NOTCH1: variants seen among roughly 807,000 people sequenced by gnomAD.
The protein encoded by NOTCH1 is neurogenic locus notch homolog protein 1.
NOTCH1 carries 37 observed loss-of-function variants against 254.8 expected under a neutral mutation model. The ratio of observed to expected loss-of-function variants is 0.15; its 90% CI spans 0.11 to 0.19. NOTCH1 has a LOEUF of 0.19. NOTCH1 is among the 10% of genes least tolerant of loss of function. The pLI is 1.00. For missense variants in NOTCH1, 2,972 were observed against 3,708.6 expected (o/e 0.80, Z 5.16); for synonymous variants, 1,731 against 1,618.1 (o/e 1.07, Z -1.68).
rs541348308 is a variant in NOTCH1, at chr9:136,531,980, C to T, written c.141-8001G>A. On this transcript the variant is annotated intron_variant, in intron 2 of 33. Transcript: ENST00000651671. ...CGCTCGCCTGCCGGCCCAGTCCCAG[C>T]GCCCAGCCCGGCTCACATACTGGCC... 5.3e-5 allele frequency among the ~76,000 whole-genome samples: 8 copies of T among 152,376 alleles called. No individual in the cohort carries two copies. In the East Asian group the frequency reaches 7.7e-4, roughly 15 times the overall value.
chr9:136,524,031 C>T (rs2133380073), intron 2 of NOTCH1, 52 bp from the exon 3 acceptor site: 1 of 1,533,510 alleles, frequency 6.5e-7, no homozygotes, highest in South Asian at 1.2e-5. Context: ...CCCCAGCGCC[C>T]CCGCCACTCA....
At chr9:136,502,196 C>A in intron 28 of NOTCH1, 76 bp downstream of exon 28, 2 of 1,382,850 alleles carry the variant, frequency 1.4e-6, no homozygotes, top group Non-Finnish European at 2.0e-6. Flanking sequence ...TCGGGAGGGG[C>A]AGACTCCCGG....
At position 136,509,878 on chromosome 9, in the gene NOTCH1, A is replaced by G; in HGVS notation, c.2824T>C (p.Cys942Arg). The change falls in exon 18 of 34, where the codon TGT becomes CGT. Residue 942 changes from cysteine (C) to arginine (R), a missense_variant. Around this residue, in one of 8 missense-constraint regions of NOTCH1, gnomAD observed 1,343 missense variants for 1,557.0 expected, o/e 0.86. Transcript: ENST00000651671. ...DCLPGFRGTF[C>R]EEDINECASD... Reference sequence around the variant, plus strand: ...GCACACTCGTTGATGTCCTCCTCACAGAAAGTGCCCCGGAAGCCGGGCAGG... The same window carrying G: ...GCACACTCGTTGATGTCCTCCTCACGGAAAGTGCCCCGGAAGCCGGGCAGG... The G allele has an allele frequency of 2.5e-6, 4 of 1,613,186 alleles. No individual in the cohort carries two copies. The highest frequency in any genetic ancestry group is 1.3e-5 in the African/African-American group (1 of 75,058).
At chr9:136,522,596 G>C (rs1265912993) in intron 4 of NOTCH1, 1 of 511,558 alleles carries the variant, frequency 2.0e-6, no homozygotes, top group Non-Finnish European at 3.4e-6. Context: ...CCTACAGCTC[G>C]AATGTGAGTT....
At chr9:136,534,638 C>T (rs747188054) in intron 2 of NOTCH1, among the ~76,000 whole-genome samples, 4 of 152,058 alleles carry the variant, frequency 2.6e-5, no homozygotes, top group Non-Finnish European at 5.9e-5. Context: ...TGGCGGCAGG[C>T]GCTGTGGGGG....
At chr9:136,528,484 G>C (rs1344586906) in intron 2 of NOTCH1, among the ~76,000 whole-genome samples, 1 of 129,266 alleles carries the variant, frequency 7.7e-6, no homozygotes, top group Non-Finnish European at 1.7e-5. Context: ...AGCAGGGACA[G>C]TGCGGGGAAT....
At position 136,506,995 on chromosome 9, in the gene NOTCH1, G is replaced by A. The variant is rs1422107858; in HGVS notation, c.3644-22C>T. The A allele has an allele frequency of 6.4e-6, 10 of 1,562,456 alleles. No homozygotes were observed. The highest frequency in any genetic ancestry group is 7.8e-6 in the Non-Finnish European group (9 of 1,155,272). On this transcript the variant is annotated intron_variant, in intron 22 of 33. Transcript: ENST00000651671. The surrounding 1 kb of genome is among the most constrained non-coding windows in gnomAD (Gnocchi z 4.5). ...ACACCTGCGGGGCCAGGTTTCGTCA[G>A]TGGCCCAAGCCCGCCACACCCCGGC...
chr9:136,515,838 T>C, intron 10 of NOTCH1, 122 bp from the exon 11 acceptor site: 2 of 1,121,994 alleles, frequency 1.8e-6, no homozygotes, highest in South Asian at 2.7e-5. Flanking sequence ...CATTCCCACC[T>C]ACTCAGGATT....
In NOTCH1 at chr9:136,510,714, G is replaced by A. The variant is rs373306460; in HGVS notation, c.2679C>T (p.Cys893=). 20 of 1,609,346 alleles carry A rather than the reference G, an allele frequency of 1.2e-5. No homozygotes were observed. The highest frequency in any genetic ancestry group is 1.5e-5 in the Non-Finnish European group (18 of 1,179,572). The change falls in exon 17 of 34, where the codon TGC becomes TGT. Residue 893 remains cysteine (C), a synonymous_variant. Coordinates refer to ENST00000651671, the MANE Select transcript of NOTCH1 (RefSeq NM_017617.5). Reference sequence around the variant, plus strand: ...GCCCACTGTAGCCGGCCTGGCAGTGGCAGCGGTAGCCGCCGTGGGTGTTCT... The same window carrying A: ...GCCCACTGTAGCCGGCCTGGCAGTGACAGCGGTAGCCGCCGTGGGTGTTCT... ...SCQNTHGGYR[C]HCQAGYSGRN...
chr9:136,541,440 AG>A, intron 2 of NOTCH1, among the ~76,000 whole-genome samples: 1 of 152,194 alleles, frequency 6.6e-6, no homozygotes, highest in Non-Finnish European at 1.5e-5. Flanking sequence ...CAAAAGCCAA[AG>A]CTCTTTCCGG....
In NOTCH1 at chr9:136,513,248, G is replaced by C; in HGVS notation, c.2354-114C>G. Reference sequence around the variant, plus strand: ...ACCCCAGGCCCCTCCTCATCTCCAAGAGCCAGAGGCCTGGAGCTAAGGCTT... The same window carrying C: ...ACCCCAGGCCCCTCCTCATCTCCAACAGCCAGAGGCCTGGAGCTAAGGCTT... On this transcript the variant is annotated intron_variant, in intron 14 of 33. Coordinates refer to ENST00000651671, the MANE Select transcript of NOTCH1 (RefSeq NM_017617.5). This position sits in a 1 kb window ranked among gnomAD's most constrained non-coding sequence, Gnocchi z 4.7. 1 of 1,469,996 alleles carries C rather than the reference G, an allele frequency of 6.8e-7. No homozygotes were observed. The highest frequency in any genetic ancestry group is 9.5e-7 in the Non-Finnish European group (1 of 1,057,950). The allele number at this position is 1,469,996 out of a possible 1,614,324, so 91.1% of individuals were successfully genotyped here. A position where few individuals can be genotyped will look rare whatever the true frequency, so the allele number is the denominator to read the frequency against.
intron 8 of NOTCH1, 119 bp from the exon 9 acceptor site, chr9:136,517,504 G>A: frequency 1.2e-6 from 1 of 841,156 alleles, no homozygotes; most frequent in Non-Finnish European, 1.9e-6. Context: ...GCCACCACGG[G>A]CCCCCTGCGC....
chr9:136,531,758 C>T (rs1238512835), intron 2 of NOTCH1, among the ~76,000 whole-genome samples: 2 of 152,358 alleles, frequency 1.3e-5, no homozygotes, highest in South Asian at 4.1e-4. Flanking sequence ...ACGCCGCCCT[C>T]CTGCGCCTCC....
chr9:136,525,079 C>T (rs1843438660), intron 2 of NOTCH1, among the ~76,000 whole-genome samples: 1 of 152,192 alleles, frequency 6.6e-6, no homozygotes, highest in Non-Finnish European at 1.5e-5. Context: ...GGCATTGAGT[C>T]TTCATAACTC....
intron 2 of NOTCH1, among the ~76,000 whole-genome samples, chr9:136,538,551 C>T (rs995462048): frequency 5.9e-5 from 9 of 152,250 alleles, no homozygotes; most frequent in African/African-American, 1.2e-4. Flanking sequence ...GGCCGTCAAA[C>T]GCAGCCCGGC....
In NOTCH1 at chr9:136,504,831, G is replaced by A. The variant is rs375196212; in HGVS notation, c.4860C>T (p.Tyr1620=). The change falls in exon 26 of 34, where the codon TAC becomes TAT. Residue 1620 remains tyrosine, a synonymous_variant. Transcript: ENST00000651671. ...GCTTGCGCAGCTCCTCCTCGCGGCC[G>A]TAGTAGGGGAAGATCATCTGCTGGC... ...AHGQQMIFPY[Y]GREEELRKHP... 89 of 1,576,058 alleles carry A rather than the reference G, an allele frequency of 5.6e-5. No individual in the cohort carries two copies. Among genetic ancestry groups the A allele is most frequent in the African/African-American group, 1.3e-4 (10 of 74,428 alleles).
chr9:136,498,822 C>A, intron 33 of NOTCH1, 77 bp downstream of exon 33: 1 of 1,526,904 alleles, frequency 6.5e-7, no homozygotes, highest in East Asian at 2.2e-5. Context: ...TGTGTCCCTG[C>A]GCCCCGTGGG....
Position 136,514,518 on chromosome 9 carries a change from G to A in NOTCH1, c.2199C>T (p.Ser733=), listed in dbSNP as rs2133360386. The part of the protein sequence containing the change: ...NPCVHGACRD[S]LNGYKCDCDP... Reference sequence around the variant, plus strand: ...TCGGCCCCGCCGCATACCCGTTGAGGCTGTCCCGGCAGGCCCCGTGGACGC... The same window carrying A: ...TCGGCCCCGCCGCATACCCGTTGAGACTGTCCCGGCAGGCCCCGTGGACGC... The change falls in exon 13 of 34, where the codon AGC becomes AGT. Residue 733 remains serine, a synonymous_variant. Transcript: ENST00000651671. 6.3e-7 allele frequency: 1 copy of A among 1,582,106 alleles called. No homozygotes were observed. The highest frequency in any genetic ancestry group is 8.6e-7 in the Non-Finnish European group (1 of 1,165,138).
chr9:136,518,464 C>A, intron 6 of NOTCH1, 127 bp downstream of exon 6: 1 of 1,115,800 alleles, frequency 9.0e-7, no homozygotes. Context: ...CCACCGGCCT[C>A]CCTGACCAGA....
Sources: allele counts gnomAD v4.1 joint callset (sites outside exome capture counted in the v4.1 genomes callset), GRCh38; gene constraint gnomAD v4.1.1; regional missense constraint gnomAD v4.1.1; non-coding constraint Gnocchi (gnomAD v3.1); transcripts MANE v1.5; gene names NCBI Gene and HGNC (gene_info 2026-07-23, HGNC 2026-07-21).